UTRN: variants seen among roughly 807,000 people sequenced by gnomAD.
UTRN encodes the protein dystrophin-related protein 1.
UTRN carries 283 observed loss-of-function variants against 463.9 expected under a neutral mutation model. The observed-to-expected ratio is 0.61, with a 90% CI of 0.55 to 0.67. The LOEUF (loss-of-function observed/expected upper bound fraction) is 0.67, where lower values mean the gene tolerates loss of function less well. UTRN is among the 30% of genes least tolerant of loss of function. UTRN has a pLI of 0.00. For synonymous variants in UTRN, 1,442 were observed against 1,431.5 expected (o/e 1.01, Z -0.17); for missense variants, 3,922 against 4,084.3 (o/e 0.96, Z 1.08).
chr6:144,473,898 C>A, intron 24 of UTRN, 65 bp downstream of exon 24: 1 of 1,145,320 alleles, frequency 8.7e-7, no homozygotes, highest in Non-Finnish European at 1.3e-6. Context: ...ATGTTATTTG[C>A]TGCTATTATT....
intron 51 of UTRN, among the ~76,000 whole-genome samples, chr6:144,654,590 T>C (rs1463760500): frequency 1.3e-5 from 2 of 152,238 alleles, no homozygotes; most frequent in Non-Finnish European, 2.9e-5. Flanking sequence ...GAAACCTTTA[T>C]AAAACCTTTT....
At chr6:144,829,001 A>G (rs758792574) in intron 69 of UTRN, 146 bp downstream of exon 69, 3 of 831,590 alleles carry the variant, frequency 3.6e-6, no homozygotes, top group Non-Finnish European at 5.8e-6. Flanking sequence ...CGTAGATTTT[A>G]TGCTTTCAAA....
At chr6:144,397,331 A>G (rs1782530693) in intron 2 of UTRN, among the ~76,000 whole-genome samples, 1 of 152,178 alleles carries the variant, frequency 6.6e-6, no homozygotes, top group South Asian at 2.1e-4. Flanking sequence ...TAGGATCCCA[A>G]GGCTCCATAA....
Position 144,836,326 on chromosome 6 carries a change from C to A in UTRN, c.9850C>A (p.Leu3284Met). The change falls in exon 71 of 75, where the codon CTG becomes ATG. Residue 3284 changes from leucine (L) to methionine (M), a missense_variant. Physicochemically the swap from Leu to Met is conservative, Grantham distance 15. Around this residue, in one of 3 missense-constraint regions of UTRN, gnomAD observed 1,309 missense variants for 1,452.6 expected, o/e 0.90. Coordinates refer to ENST00000367545, the MANE Select transcript of UTRN (RefSeq NM_007124.3). ...QRNLQVEYEQLKDQHLRRGLP... is the reference protein window; with the variant it reads ...QRNLQVEYEQMKDQHLRRGLP... ...AAATCTACAGGTGGAGTATGAGCAG[C>A]TGAAGGACCAGCACCTCCGAAGGGG... The A allele has an allele frequency of 6.2e-7, 1 of 1,614,128 alleles. No homozygotes were observed. Among genetic ancestry groups the A allele is most frequent in the South Asian group, 1.1e-5 (1 of 91,082 alleles).
At chr6:144,392,121 A>G (rs1231381696) in intron 2 of UTRN, among the ~76,000 whole-genome samples, 1 of 152,182 alleles carries the variant, frequency 6.6e-6, no homozygotes, top group Non-Finnish European at 1.5e-5. Flanking sequence ...TATAAAATAT[A>G]TTTTCAAGAT....
At chr6:144,431,687 G>T (rs747554913) in intron 9 of UTRN, among the ~76,000 whole-genome samples, 17 of 152,270 alleles carry the variant, frequency 1.1e-4, no homozygotes, top group Non-Finnish European at 2.2e-4. Flanking sequence ...ACCTTTGGCT[G>T]GTCACTAACT....
chr6:144,521,896 C>G (rs1322364515), intron 39 of UTRN, 84 bp from the exon 40 acceptor site: 1 of 933,808 alleles, frequency 1.1e-6, no homozygotes, highest in African/African-American at 1.7e-5. Flanking sequence ...TTCCTTCACA[C>G]AATAGTCTTG....
intron 58 of UTRN, among the ~76,000 whole-genome samples, chr6:144,769,685 C>T (rs1793787388): frequency 6.6e-6 from 1 of 152,126 alleles, no homozygotes; most frequent in South Asian, 2.1e-4. Flanking sequence ...TCTACATTAC[C>T]GATGGCTTTA....
At chr6:144,719,729 G>C (rs1361145350) in intron 53 of UTRN, among the ~76,000 whole-genome samples, 2 of 152,194 alleles carry the variant, frequency 1.3e-5, no homozygotes, top group African/African-American at 4.8e-5. Flanking sequence ...CAGACAGCAG[G>C]GAGGGTCCAG....
chr6:144,624,486 T>A (rs1407560937), intron 51 of UTRN, among the ~76,000 whole-genome samples: 4 of 152,058 alleles, frequency 2.6e-5, no homozygotes, highest in Admixed American at 6.5e-5. Flanking sequence ...CAGTTTGAAT[T>A]GGTAGAAAAT....
At chr6:144,690,351 A>C (rs1263932724) in intron 52 of UTRN, among the ~76,000 whole-genome samples, 3 of 151,842 alleles carry the variant, frequency 2.0e-5, no homozygotes, top group Non-Finnish European at 4.4e-5. Context: ...AGACCCACCT[A>C]GCTTCCCTGC....
chr6:144,623,013 C>T (rs561640961), intron 51 of UTRN, among the ~76,000 whole-genome samples: 13 of 152,282 alleles, frequency 8.5e-5, no homozygotes, highest in Admixed American at 2.0e-4. Flanking sequence ...GGCAGTTCTC[C>T]CAATCAGCCA....
At chr6:144,508,464 A>C (rs1794883183) in intron 34 of UTRN, among the ~76,000 whole-genome samples, 2 of 152,142 alleles carry the variant, frequency 1.3e-5, no homozygotes, top group Non-Finnish European at 2.9e-5. Flanking sequence ...ACCGTACCTC[A>C]CGGCACAGTC....
chr6:144,620,909 C>T (rs1391388583), intron 51 of UTRN, among the ~76,000 whole-genome samples: 1 of 152,096 alleles, frequency 6.6e-6, no homozygotes, highest in Non-Finnish European at 1.5e-5. Flanking sequence ...TTTTTGTCCA[C>T]AGCATACTTA....
rs181853561 is a variant in UTRN at position 144,571,998 on chromosome 6, T to G, written c.7290-5101T>G. On this transcript the variant is annotated intron_variant, in intron 50 of 74. Coordinates refer to ENST00000367545, the MANE Select transcript of UTRN (RefSeq NM_007124.3). ...TTGCTTGGATCTCATGGAAGTTTTGTGTTATTCGTTTGTTTTTGCCTTTTT... is the reference window on the plus strand; with the variant it reads ...TTGCTTGGATCTCATGGAAGTTTTGGGTTATTCGTTTGTTTTTGCCTTTTT... Among the ~76,000 whole-genome samples, 5 of 152,304 alleles carry G rather than the reference T, an allele frequency of 3.3e-5. No homozygotes were observed. The East Asian group carries it at 7.7e-4, about 24-fold the overall frequency.
chr6:144,360,582 C>T (rs1177737745), intron 2 of UTRN, among the ~76,000 whole-genome samples: 1 of 152,180 alleles, frequency 6.6e-6, no homozygotes, highest in East Asian at 1.9e-4. Context: ...TTCCAGCTGC[C>T]CACACCGGCA....
chr6:144,423,505 G>T, intron 4 of UTRN, 44 bp from the exon 5 acceptor site: 1 of 1,586,908 alleles, frequency 6.3e-7, no homozygotes, highest in South Asian at 1.1e-5. Flanking sequence ...TCAGGCATAT[G>T]GAGGGACAAT....
At chr6:144,778,421 G>A (rs184825243) in intron 60 of UTRN, among the ~76,000 whole-genome samples, 1 of 152,152 alleles carries the variant, frequency 6.6e-6, no homozygotes, top group African/African-American at 2.4e-5. Flanking sequence ...TCAGAGCAAT[G>A]GGACATGGGT....
chr6:144,457,360 A>G (rs2128559750), intron 19 of UTRN, among the ~76,000 whole-genome samples: 1 of 152,280 alleles, frequency 6.6e-6, no homozygotes, highest in African/African-American at 2.4e-5. Context: ...GAGTAGTGGT[A>G]ATTTTCCATC....
Sources: allele counts gnomAD v4.1 joint callset (sites outside exome capture counted in the v4.1 genomes callset), GRCh38; gene constraint gnomAD v4.1.1; regional missense constraint gnomAD v4.1.1; transcripts MANE v1.5; gene names NCBI Gene and HGNC (gene_info 2026-07-23, HGNC 2026-07-21).